TRDN: variants seen among roughly 807,000 people sequenced by gnomAD.
TRDN encodes the protein triadin in skeletal muscle.
TRDN carries 161 observed loss-of-function variants against 149.7 expected under a neutral mutation model. That is an observed-to-expected ratio of 1.08 (90% CI 0.95 to 1.23). The LOEUF is 1.23. TRDN is among the 50% of genes most tolerant of loss of function. The pLI is 0.00. For synonymous variants in TRDN, 294 were observed against 250.5 expected, an observed-to-expected ratio of 1.17 and a Z score of -1.64; for missense variants, 896 against 823.5, an observed-to-expected ratio of 1.09 and a Z score of -1.08.
chr6:123,534,641 T>C (rs1780429692), intron 4 of TRDN, among the ~76,000 whole-genome samples: 1 of 152,196 alleles, frequency 6.6e-6, no homozygotes, highest in East Asian at 1.9e-4. Context: ...TTTGTATAAA[T>C]TGCAAAATCA....
At chr6:123,434,726 T>A (rs2114582627) in intron 12 of TRDN, among the ~76,000 whole-genome samples, 1 of 152,266 alleles carries the variant, frequency 6.6e-6, no homozygotes, top group South Asian at 2.1e-4. Context: ...TTTCTTCAAG[T>A]AAAAATGTAC....
At position 123,386,784 on chromosome 6, in the gene TRDN, G is replaced by T. The variant is rs1283796003; in HGVS notation, c.1135+1738C>A. 7.2e-5 allele frequency among the ~76,000 whole-genome samples: 11 copies of T among 152,240 alleles called. No homozygotes were observed. The East Asian group carries it at 1.4e-3, about 19-fold the overall frequency. On this transcript the variant is annotated intron_variant, in intron 14 of 40. Transcript: ENST00000334268. ...TCCCCAACTTGTGTTGCATTATCTGGCCCCTTTTGTTTGGGCTTCATCCTT... is the reference window on the plus strand; with the variant it reads ...TCCCCAACTTGTGTTGCATTATCTGTCCCCTTTTGTTTGGGCTTCATCCTT...
chr6:123,579,134 C>T (rs138107291), intron 1 of TRDN, among the ~76,000 whole-genome samples: 3 of 151,946 alleles, frequency 2.0e-5, no homozygotes, highest in African/African-American at 7.3e-5. Flanking sequence ...ATTTGGATGC[C>T]CTTTATTTCT....
chr6:123,492,432 T>C (rs962596747), intron 9 of TRDN, among the ~76,000 whole-genome samples: 3 of 152,164 alleles, frequency 2.0e-5, no homozygotes, highest in Non-Finnish European at 4.4e-5. Flanking sequence ...AAGAGGTCTG[T>C]GAACCATGTG....
intron 9 of TRDN, among the ~76,000 whole-genome samples, chr6:123,465,443 A>G (rs369544848): frequency 2.4e-4 from 36 of 152,040 alleles, no homozygotes; most frequent in African/African-American, 8.0e-4. Flanking sequence ...TAGGCCTTTG[A>G]TATTGAACAG....
intron 15 of TRDN, among the ~76,000 whole-genome samples, 162 bp downstream of exon 15, chr6:123,381,956 G>T (rs982131863): frequency 1.9e-4 from 27 of 138,520 alleles, no homozygotes; most frequent in East Asian, 4.3e-4. Context: ...TAGATTTGGC[G>T]CTCTCTCTCT....
At chr6:123,330,060 A>G (rs538486794) in intron 23 of TRDN, among the ~76,000 whole-genome samples, 11 of 152,240 alleles carry the variant, frequency 7.2e-5, no homozygotes, top group Non-Finnish European at 1.2e-4. Flanking sequence ...GATTATGGAA[A>G]GAAGATACTT....
chr6:123,462,833 T>A (rs1776533026), intron 10 of TRDN: 1 of 152,076 alleles, frequency 6.6e-6, no homozygotes, highest in African/African-American at 2.4e-5. Flanking sequence ...CCTAATCAAT[T>A]ATGTTAACGA....
At chr6:123,238,749 T>C (rs1280602897) in intron 38 of TRDN, among the ~76,000 whole-genome samples, 1 of 152,200 alleles carries the variant, frequency 6.6e-6, no homozygotes. Flanking sequence ...AGTAAAGGTT[T>C]AATTGAAAAT....
At chr6:123,506,550 G>T (rs539758764) in intron 7 of TRDN, among the ~76,000 whole-genome samples, 32 of 151,906 alleles carry the variant, frequency 2.1e-4, no homozygotes, top group African/African-American at 7.2e-4. Flanking sequence ...GTGCAATGGT[G>T]CAATCTTGGC....
chr6:123,606,960 T>C (rs1446910146), intron 1 of TRDN, among the ~76,000 whole-genome samples: 1 of 152,332 alleles, frequency 6.6e-6, no homozygotes, highest in East Asian at 1.9e-4. Context: ...CCCTGGGAAC[T>C]TGTTGCCTCT....
chr6:123,384,797 G>A (rs1284186017), intron 14 of TRDN, among the ~76,000 whole-genome samples: 1 of 152,138 alleles, frequency 6.6e-6, no homozygotes, highest in African/African-American at 2.4e-5. Context: ...TAGAACTAAA[G>A]TAATAGAGGA....
intron 15 of TRDN, among the ~76,000 whole-genome samples, 154 bp from the exon 16 acceptor site, chr6:123,381,544 G>A (rs565796817): frequency 1.9e-4 from 29 of 151,958 alleles, no homozygotes; most frequent in African/African-American, 6.3e-4. Flanking sequence ...GTGAGGCTCT[G>A]AGGTATTGTT....
At chr6:123,286,825 G>A (rs1357731525) in intron 24 of TRDN, among the ~76,000 whole-genome samples, 1 of 151,842 alleles carries the variant, frequency 6.6e-6, no homozygotes, top group South Asian at 2.1e-4. Flanking sequence ...TCCTCAAAGT[G>A]TACTTTCCAG....
intron 12 of TRDN, among the ~76,000 whole-genome samples, chr6:123,396,873 T>C (rs533039423): frequency 3.3e-4 from 51 of 152,312 alleles, no homozygotes; most frequent in African/African-American, 1.2e-3. Flanking sequence ...TAATGTAAAG[T>C]GCAAATCCAT....
chr6:123,593,580 C>A (rs146875473), intron 1 of TRDN, among the ~76,000 whole-genome samples: 1 of 152,196 alleles, frequency 6.6e-6, no homozygotes, highest in Non-Finnish European at 1.5e-5. Flanking sequence ...GTTTAAGCTT[C>A]TCTCTTTGGC....
intron 24 of TRDN, among the ~76,000 whole-genome samples, chr6:123,311,350 A>T (rs981766911): frequency 2.0e-5 from 3 of 151,872 alleles, no homozygotes; most frequent in Admixed American, 6.6e-5. Flanking sequence ...CCCTCAACAC[A>T]TGAGGATTAT....
chr6:123,221,409 A>G (rs1775143357), intron 40 of TRDN, 78 bp downstream of exon 40: 1 of 1,074,728 alleles, frequency 9.3e-7, no homozygotes, highest in Non-Finnish European at 1.3e-6. Context: ...TGGTCTTAAG[A>G]GAGTCTAACA....
chr6:123,560,692 T>G (rs891758411), intron 2 of TRDN, among the ~76,000 whole-genome samples: 1 of 152,192 alleles, frequency 6.6e-6, no homozygotes, highest in African/African-American at 2.4e-5. Context: ...ATCTGGCCAC[T>G]CTCACCCACT....
Sources: gnomAD v4.1 joint callset for allele counts (sites outside exome capture counted in the v4.1 genomes callset) on GRCh38, gnomAD v4.1.1 for gene constraint, MANE v1.5 for transcripts, NCBI Gene and HGNC (gene_info 2026-07-23, HGNC 2026-07-21) for gene names.